Variants in GTF2A1L observed in about 807,000 individuals in gnomAD.
The protein encoded by GTF2A1L is general transcription factor IIA subunit 1 like, also known as TFIIA-alpha and beta-like factor.
Under a neutral mutation model 49.7 loss-of-function variants are expected in GTF2A1L, and 48 were observed. That is an observed-to-expected ratio of 0.97 (90% confidence interval 0.77 to 1.23). The LOEUF (loss-of-function observed/expected upper bound fraction) is 1.23, where lower values mean the gene tolerates loss of function less well. GTF2A1L is among the 50% of genes most tolerant of loss of function. The pLI, the probability that GTF2A1L is intolerant of heterozygous loss-of-function variation, is 0.00. For missense variants in GTF2A1L, 736 were observed against 564.8 expected (o/e 1.30, Z -3.07); for synonymous variants, 246 against 193.5 (o/e 1.27, Z -2.25).
chr2:48,658,571 T>C (rs1678307721), intron 6 of GTF2A1L, among the ~76,000 whole-genome samples: 1 of 152,110 alleles, frequency 6.6e-6, no homozygotes, highest in Admixed American at 6.6e-5. Context: ...TCTGTGATTG[T>C]TTTGGCTGTT....
At chr2:48,655,503 T>C (rs2104245613) in intron 6 of GTF2A1L, among the ~76,000 whole-genome samples, 1 of 152,146 alleles carries the variant, frequency 6.6e-6, no homozygotes, top group East Asian at 1.9e-4. Context: ...TAAAATACAT[T>C]TTTTAAAAGG....
chr2:48,658,698 A>G (rs2104260822), intron 6 of GTF2A1L, among the ~76,000 whole-genome samples: 1 of 151,898 alleles, frequency 6.6e-6, no homozygotes, highest in South Asian at 2.1e-4. Context: ...TTAGAGTTTC[A>G]ATTTCTTTCT....
chr2:48,623,728 C>A (rs1051787095), intron 3 of GTF2A1L, among the ~76,000 whole-genome samples: 2 of 152,088 alleles, frequency 1.3e-5, no homozygotes, highest in African/African-American at 2.4e-5. Flanking sequence ...TACTATGCAA[C>A]CTTAAAAAAG....
At chr2:48,673,310 A>T (rs538280006) in intron 8 of GTF2A1L, among the ~76,000 whole-genome samples, 1 of 151,876 alleles carries the variant, frequency 6.6e-6, no homozygotes, top group African/African-American at 2.4e-5. Context: ...GATTAACAAG[A>T]GAAAATCATT....
chr2:48,671,459 C>A, intron 7 of GTF2A1L, 132 bp from the exon 8 acceptor site: 3 of 829,624 alleles, frequency 3.6e-6, no homozygotes, highest in Non-Finnish European at 5.4e-6. Context: ...CTGCCTAGGC[C>A]TCCCGTAGTG....
In GTF2A1L at chr2:48,629,473, G is replaced by A. The variant is rs1367880580; in HGVS notation, c.247+8183G>A. Among the ~76,000 whole-genome samples, 5 of 144,014 alleles carry A rather than the reference G, an allele frequency of 3.5e-5. 2 individuals carry two copies. The highest frequency in any genetic ancestry group is 2.1e-4 in the Admixed American group (3 of 14,236). 94.5% of individuals were successfully genotyped at this position (144,014 alleles called of 152,430 possible). A position where few individuals can be genotyped will look rare whatever the true frequency, so the allele number is the denominator to read the frequency against. ...CATGGGCTGGAGTCATCTCAACAAT[G>A]GCAAGGTTGTGGACTAGCTGCCTTG... On this transcript the variant is annotated intron_variant, in intron 3 of 8. Transcript: ENST00000403751.
intron 6 of GTF2A1L, among the ~76,000 whole-genome samples, chr2:48,658,822 G>A (rs1309062297): frequency 6.7e-6 from 1 of 148,464 alleles, no homozygotes; most frequent in African/African-American, 2.5e-5. Context: ...ATTTTTGTGG[G>A]ATTGGTTGTA....
At chr2:48,667,233 A>C (rs1204527638) in intron 6 of GTF2A1L, among the ~76,000 whole-genome samples, 1 of 151,982 alleles carries the variant, frequency 6.6e-6, no homozygotes, top group East Asian at 1.9e-4. Context: ...TGCTGGGATT[A>C]CAGGCATGAG....
Position 48,638,885 on chromosome 2 carries a change from A to G in GTF2A1L, c.248-3517A>G, listed in dbSNP as rs11903927. 9.5e-3 allele frequency among the ~76,000 whole-genome samples: 1,439 copies of G among 152,240 alleles called. 31 individuals are homozygous for G. The highest frequency in any genetic ancestry group is 0.033 in the African/African-American group (1,376 of 41,550). On this transcript the variant is annotated intron_variant, in intron 3 of 8. Coordinates refer to ENST00000403751, the MANE Select transcript of GTF2A1L (RefSeq NM_006872.5). The stretch of plus-strand genomic sequence containing the variant: ...ACAACTTCAGCAAAGTTTTGGATAC[A>G]AAAATCAATGTACAAAAATCACTAA...
intron 4 of GTF2A1L, among the ~76,000 whole-genome samples, chr2:48,643,566 TTAAAA>T (rs1260095878): frequency 6.6e-6 from 1 of 152,138 alleles, no homozygotes; most frequent in Non-Finnish European, 1.5e-5. Context: ...TTTTTTCCTG[TTAAAA>T]TAAGTAATAA....
chr2:48,620,707 G>A (rs1025235626), intron 1 of GTF2A1L, 144 bp from the exon 2 acceptor site: 6 of 347,040 alleles, frequency 1.7e-5, no homozygotes, highest in African/African-American at 6.7e-5. Context: ...AACCTGGGAC[G>A]TGGAAATTGC....
intron 6 of GTF2A1L, among the ~76,000 whole-genome samples, chr2:48,650,590 A>G (rs1449137003): frequency 6.6e-5 from 10 of 152,214 alleles, no homozygotes; most frequent in Admixed American, 6.5e-4. Flanking sequence ...ATTTAAATTG[A>G]GTAAATACTT....
chr2:48,669,421 T>G (rs1256627423), intron 6 of GTF2A1L, among the ~76,000 whole-genome samples: 1 of 152,194 alleles, frequency 6.6e-6, no homozygotes, highest in Non-Finnish European at 1.5e-5. Flanking sequence ...TCCTAATAGG[T>G]ACTATATAAA....
intron 3 of GTF2A1L, among the ~76,000 whole-genome samples, chr2:48,638,380 GATCA>G (rs1322682386): frequency 6.6e-6 from 1 of 152,134 alleles, no homozygotes; most frequent in Admixed American, 6.6e-5. Flanking sequence ...AATCCACCAT[GATCA>G]AGTGGGCTTT....
At chr2:48,658,080 T>G (rs1678279439) in intron 6 of GTF2A1L, among the ~76,000 whole-genome samples, 1 of 152,230 alleles carries the variant, frequency 6.6e-6, no homozygotes, top group South Asian at 2.1e-4. Context: ...TAGTTTCTTT[T>G]GCTGTGCAGA....
chr2:48,666,818 T>G (rs933418858), intron 6 of GTF2A1L, among the ~76,000 whole-genome samples: 4 of 152,178 alleles, frequency 2.6e-5, no homozygotes, highest in African/African-American at 9.6e-5. Flanking sequence ...TTATCTGTGC[T>G]GAAATTCTTT....
chr2:48,657,525 C>T (rs185727002), intron 6 of GTF2A1L, among the ~76,000 whole-genome samples: 2 of 152,274 alleles, frequency 1.3e-5, no homozygotes, highest in African/African-American at 4.8e-5. Context: ...TGGGCTGATT[C>T]CATGTCTTTG....
intron 6 of GTF2A1L, among the ~76,000 whole-genome samples, chr2:48,657,255 C>A (rs1211391555): frequency 6.6e-6 from 1 of 152,124 alleles, no homozygotes; most frequent in Non-Finnish European, 1.5e-5. Context: ...CCCTCACTTC[C>A]CCTTCTCCCT....
At chr2:48,641,587 C>T (rs796289007) in intron 3 of GTF2A1L, among the ~76,000 whole-genome samples, 4 of 152,112 alleles carry the variant, frequency 2.6e-5, no homozygotes, top group Non-Finnish European at 5.9e-5. Context: ...TATATTTAGT[C>T]ATGTTCAGGT....
Sources: allele counts gnomAD v4.1 joint callset (sites outside exome capture counted in the v4.1 genomes callset), GRCh38; gene constraint gnomAD v4.1.1; transcripts MANE v1.5; gene names NCBI Gene and HGNC (gene_info 2026-07-23, HGNC 2026-07-21).